Variants in MYO5A observed in about 807,000 individuals in gnomAD.
MYO5A encodes unconventional myosin-Va.
A neutral mutation model predicts 249.7 loss-of-function variants in MYO5A; 98 were observed. The observed-to-expected ratio is 0.39, with a 90% CI of 0.33 to 0.46. The LOEUF is 0.46. Among genes scored for constraint, MYO5A ranks in the 20% least tolerant of loss-of-function variants. The probability of loss-of-function intolerance (pLI) is 0.98; values close to 1 mark genes in which losing one functional copy is unlikely to be tolerated. For synonymous variants in MYO5A, 778 were observed against 810.6 expected, an observed-to-expected ratio of 0.96 and a Z score of 0.68; for missense variants, 1,696 against 2,308.8, an observed-to-expected ratio of 0.73 and a Z score of 5.44.
intron 38 of MYO5A, among the ~76,000 whole-genome samples, chr15:52,320,927 G>T (rs2038269455): frequency 6.6e-6 from 1 of 151,870 alleles, no homozygotes; most frequent in African/African-American, 2.4e-5. Context: ...GCAGGAGAAT[G>T]GCGTGAACCC....
intron 32 of MYO5A, among the ~76,000 whole-genome samples, chr15:52,338,553 A>G (rs1353957134): frequency 6.6e-6 from 1 of 152,210 alleles, no homozygotes; most frequent in Admixed American, 6.5e-5. Flanking sequence ...TGAGAAAACA[A>G]TGATTTTGAA....
intron 1 of MYO5A, among the ~76,000 whole-genome samples, chr15:52,476,765 G>C (rs1158784406): frequency 1.3e-5 from 2 of 152,218 alleles, no homozygotes; most frequent in African/African-American, 4.8e-5. Flanking sequence ...GAGATCTGCA[G>C]TTAGTCTGAT....
chr15:52,425,931 A>C lies in MYO5A; in HGVS notation c.354T>G (p.Ile118Met), dbSNP rs747516586. The change falls in exon 4 of 42, where the codon ATT becomes ATG. Residue 118 changes from isoleucine (I) to methionine (M), a missense_variant. By Grantham distance (10) the Ile-to-Met change is conservative (BLOSUM62 1). Transcript: ENST00000399233. ...ATGCATTAATAATATCTTCTCCATAAATAGGCAGCTGTTCATAGGGATTTA... is the reference window on the plus strand; with the variant it reads ...ATGCATTAATAATATCTTCTCCATACATAGGCAGCTGTTCATAGGGATTTA... ...VAINPYEQLPIYGEDIINAYS... is the reference protein window; with the variant it reads ...VAINPYEQLPMYGEDIINAYS... 6.2e-7 allele frequency: 1 copy of C among 1,613,008 alleles called. No homozygotes were observed. The highest frequency in any genetic ancestry group is 8.5e-7 in the Non-Finnish European group (1 of 1,179,046).
intron 1 of MYO5A, among the ~76,000 whole-genome samples, chr15:52,493,125 T>C (rs1022527878): frequency 2.6e-5 from 4 of 152,122 alleles, no homozygotes; most frequent in Non-Finnish European, 5.9e-5. Context: ...TTTTGGAAGA[T>C]AGAGATAGAA....
rs143758972 is a variant in MYO5A, at chr15:52,324,740, C to A, written c.4711-1296G>T. On this transcript the variant is annotated intron_variant, in intron 36 of 41. Transcript: ENST00000399233. ...GGGAAAGATGGGTTTCTCATTATAT[C>A]ATTTTTTTTTAAGTAAATAAAATCA... Among the ~76,000 whole-genome samples the A allele has an allele frequency of 2.6e-3, 392 of 152,092 alleles. 5 individuals carry two copies. Among genetic ancestry groups the A allele is most frequent in the East Asian group, 0.018 (92 of 5,178 alleles).
At chr15:52,425,062 C>CT (rs2075364700) in intron 4 of MYO5A, among the ~76,000 whole-genome samples, 1 of 152,200 alleles carries the variant, frequency 6.6e-6, no homozygotes, top group Admixed American at 6.5e-5. Context: ...CAAGCCCAGC[C>CT]TGGGCAACAT....
At chr15:52,399,638 T>A (rs1374811867) in intron 9 of MYO5A, among the ~76,000 whole-genome samples, 1 of 152,176 alleles carries the variant, frequency 6.6e-6, no homozygotes, top group Non-Finnish European at 1.5e-5. Flanking sequence ...TAAAAGTATA[T>A]ACCTGAAACT....
rs948330992 is a variant in MYO5A at position 52,311,686 on chromosome 15, C to T, written c.*2010G>A. The T allele has an allele frequency of 3.3e-5, 5 of 152,218 alleles. No individual in the cohort carries two copies. The highest frequency in any genetic ancestry group is 1.2e-4 in the African/African-American group (5 of 41,458). 9.4% of individuals were successfully genotyped at this position (152,218 alleles called of 1,614,324 possible). On this transcript the variant is annotated 3_prime_UTR_variant, in exon 42 of 42. Coordinates refer to ENST00000399233, the MANE Select transcript of MYO5A (RefSeq NM_001382347.1). ...AATCCTAAGGAATTGACAGGCACTA[C>T]ACACTGGTCTTTCCATCAGAGAATG...
intron 13 of MYO5A, 117 bp from the exon 14 acceptor site, chr15:52,388,029 G>T: frequency 1.3e-6 from 1 of 762,916 alleles, no homozygotes; most frequent in Non-Finnish European, 2.2e-6. Flanking sequence ...CAGCAAACTG[G>T]TATTATCAGT....
At chr15:52,455,040 T>G (rs1324999034) in intron 1 of MYO5A, among the ~76,000 whole-genome samples, 2 of 151,092 alleles carry the variant, frequency 1.3e-5, no homozygotes, top group African/African-American at 4.9e-5. Context: ...AACAAAAAGT[T>G]TACTGTTTGA....
intron 28 of MYO5A, 147 bp downstream of exon 28, chr15:52,351,107 A>C: frequency 1.3e-6 from 1 of 755,806 alleles, no homozygotes; most frequent in Non-Finnish European, 2.3e-6. Context: ...TTTAAACAAC[A>C]CTGGGATTTT....
At chr15:52,340,494 GA>G in intron 31 of MYO5A, 100 bp from the exon 32 acceptor site, 1 of 1,035,744 alleles carries the variant, frequency 9.7e-7, no homozygotes, top group East Asian at 2.5e-5. Context: ...AGGAAAAGCA[GA>G]TATTCTTTAG....
intron 6 of MYO5A, among the ~76,000 whole-genome samples, chr15:52,408,642 C>T (rs561475166): frequency 6.6e-6 from 1 of 152,232 alleles, no homozygotes; most frequent in South Asian, 2.1e-4. Flanking sequence ...AAATCAATAA[C>T]TGTTTTATAA....
chr15:52,516,299 G>C (rs2077494627), intron 1 of MYO5A, among the ~76,000 whole-genome samples: 2 of 152,152 alleles, frequency 1.3e-5, no homozygotes. Context: ...AATAGTATCT[G>C]GCCTACAGTA....
At chr15:52,487,056 C>G (rs1482584290) in intron 1 of MYO5A, among the ~76,000 whole-genome samples, 1 of 152,134 alleles carries the variant, frequency 6.6e-6, no homozygotes, top group Non-Finnish European at 1.5e-5. Flanking sequence ...TGGAAGCTTT[C>G]AAAGAGGAGA....
chr15:52,420,781 A>G (rs1319500090), intron 4 of MYO5A, among the ~76,000 whole-genome samples: 1 of 152,250 alleles, frequency 6.6e-6, no homozygotes, highest in Admixed American at 6.5e-5. Context: ...TAAAAGATGT[A>G]GAAATAGAAT....
chr15:52,515,489 G>A (rs977884594), intron 1 of MYO5A, among the ~76,000 whole-genome samples: 2 of 152,088 alleles, frequency 1.3e-5, no homozygotes, highest in African/African-American at 4.8e-5. Context: ...AATGACAGTA[G>A]CTAACATTTC....
rs1338518602 is a variant in MYO5A at position 52,389,471 on chromosome 15, T to C, written c.1543-108A>G. 18 of 1,093,550 alleles carry C rather than the reference T, an allele frequency of 1.6e-5. No homozygotes were observed. The East Asian group carries it at 4.3e-4, about 26-fold the overall frequency. 67.7% of individuals were successfully genotyped at this position (1,093,550 alleles called of 1,614,324 possible). ...ATTTTTTTTTTTTGGCTTTAACTAA[T>C]AACTTTTACAATTCAATTTAGGAGT... On this transcript the variant is annotated intron_variant, in intron 12 of 41. Coordinates refer to ENST00000399233, the MANE Select transcript of MYO5A (RefSeq NM_001382347.1).
chr15:52,412,552 G>A lies in MYO5A; in HGVS notation c.613-2076C>T, dbSNP rs562295266. 4.3e-4 allele frequency among the ~76,000 whole-genome samples: 66 copies of A among 152,174 alleles called. 2 individuals are homozygous for A. Among genetic ancestry groups the A allele is most frequent in the Admixed American group, 1.2e-3 (18 of 15,274 alleles). On this transcript the variant is annotated intron_variant, in intron 5 of 41. Transcript: ENST00000399233. ...TTGACTAGGATAGTGGAGCTCTAGG[G>A]TTCTTTTTAAAAAATAAAATTATTT... is the stretch of plus-strand genomic sequence containing the variant.
Sources: allele counts gnomAD v4.1 joint callset (sites outside exome capture counted in the v4.1 genomes callset), GRCh38; gene constraint gnomAD v4.1.1; transcripts MANE v1.5; gene names NCBI Gene and HGNC (gene_info 2026-07-23, HGNC 2026-07-21).